The following BTD variants were observed in gnomAD, a reference collection of about 807,000 sequenced individuals.
BTD encodes biotinidase.
A neutral mutation model predicts 17.7 loss-of-function variants in BTD; 13 were observed. The observed-to-expected ratio is 0.74, with a 90% confidence interval of 0.48 to 1.17. The LOEUF is 1.17. BTD is among the 50% of genes most tolerant of loss of function. The probability of loss-of-function intolerance (pLI) is 0.00; values close to 1 mark genes in which losing one functional copy is unlikely to be tolerated. For synonymous variants in BTD, 240 were observed against 245.2 expected (o/e 0.98, Z 0.20); for missense variants, 674 against 650.4 (o/e 1.04, Z -0.39).
At position 15,710,527 on chromosome 3, in the gene BTD, G is replaced by A. The variant is rs560238632; in HGVS notation, c.*453G>A. ...TGTGCTGGTGTACTCTTGGTTCAAC[G>A]TACTCGTCCTCTGAAATCACTGAAA... is the stretch of plus-strand genomic sequence containing the variant. On this transcript the variant is annotated 3_prime_UTR_variant, in exon 4 of 4. Transcript: ENST00000672141. Among the ~76,000 whole-genome samples the A allele has an allele frequency of 6.6e-5, 10 of 152,238 alleles. No individual in the cohort carries two copies. In the South Asian group the frequency reaches 1.7e-3, roughly 25 times the overall value.
chr3:15,629,194 T>C (rs1252572561), intron 1 of BTD, among the ~76,000 whole-genome samples: 1 of 152,256 alleles, frequency 6.6e-6, no homozygotes, highest in Admixed American at 6.5e-5. Flanking sequence ...TTCTTTGACA[T>C]AAGGGAACAA....
chr3:15,641,704 G>A (rs2065513288), intron 2 of BTD, among the ~76,000 whole-genome samples: 1 of 152,126 alleles, frequency 6.6e-6, no homozygotes, highest in African/African-American at 2.4e-5. Context: ...CTTTGTCTTT[G>A]TTCCTTGGGG....
intron 1 of BTD, among the ~76,000 whole-genome samples, chr3:15,614,431 G>A (rs571981338): frequency 1.1e-4 from 17 of 151,420 alleles, no homozygotes; most frequent in Admixed American, 1.1e-3. Flanking sequence ...TTCTCCTTCT[G>A]AAATTCCAAT....
intron 3 of BTD, among the ~76,000 whole-genome samples, chr3:15,706,205 A>G (rs183330427): frequency 1.3e-4 from 20 of 152,030 alleles, no homozygotes; most frequent in Middle Eastern, 6.8e-3. Context: ...CTCGTCACTT[A>G]CATTAGGTAT....
At chr3:15,623,272 A>G (rs1268588941) in intron 1 of BTD, among the ~76,000 whole-genome samples, 1 of 152,202 alleles carries the variant, frequency 6.6e-6, no homozygotes, top group African/African-American at 2.4e-5. Flanking sequence ...CCATCCATTT[A>G]CTACACAATC....
chr3:15,710,442 C>A (rs183524133), exon 4 of BTD, among the ~76,000 whole-genome samples: 1 of 152,228 alleles, frequency 6.6e-6, no homozygotes, highest in East Asian at 1.9e-4. Flanking sequence ...GGTTCTCTGG[C>A]GACCTTGGAA....
At chr3:15,656,108 T>C (rs570398500), downstream of BTD, among the ~76,000 whole-genome samples, 3 of 152,248 alleles carry the variant, frequency 2.0e-5, no homozygotes, top group African/African-American at 7.2e-5. Flanking sequence ...CAGCCTACTT[T>C]GTTATTATTA....
chr3:15,694,791 T>C, intron 3 of BTD: 7 of 1,613,578 alleles, frequency 4.3e-6, no homozygotes, highest in Non-Finnish European at 5.1e-6. Flanking sequence ...ACTCAGCATG[T>C]CTGTTCCTGA....
chr3:15,608,777 A>G (rs2064532396), intron 1 of BTD, among the ~76,000 whole-genome samples: 1 of 152,130 alleles, frequency 6.6e-6, no homozygotes, highest in Admixed American at 6.5e-5. Flanking sequence ...AAAAAAAAAA[A>G]AAAAGAAATC....
At chr3:15,662,222 C>T (rs2065932050) in intron 3 of BTD, among the ~76,000 whole-genome samples, 1 of 152,212 alleles carries the variant, frequency 6.6e-6, no homozygotes. Flanking sequence ...GAACTGACAT[C>T]TTAAAAATAG....
In BTD at chr3:15,644,816, T is replaced by C. The variant is rs1210324522; in HGVS notation, c.900T>C (p.Phe300=). The change falls in exon 4 of 4, where the codon TTT becomes TTC. Residue 300 remains phenylalanine (F), a synonymous_variant. Coordinates refer to ENST00000643237, the MANE Select transcript of BTD (RefSeq NM_001370658.1). ...GCATACACACCCCTCTGGAGTCCTT[T>C]TGGTACCATGACATGGAAAATCCCA... is the stretch of plus-strand genomic sequence containing the variant. The part of the protein sequence containing the change: ...GSGIHTPLES[F]WYHDMENPKS... 7 of 1,614,056 alleles carry C rather than the reference T, an allele frequency of 4.3e-6. No homozygotes were observed. The highest frequency in any genetic ancestry group is 5.9e-6 in the Non-Finnish European group (7 of 1,180,040).
At chr3:15,625,847 G>A (rs1295295110) in intron 1 of BTD, among the ~76,000 whole-genome samples, 2 of 152,284 alleles carry the variant, frequency 1.3e-5, no homozygotes, top group South Asian at 2.1e-4. Context: ...GAGCCACCAC[G>A]CCTGGCCCAG....
At chr3:15,673,048 A>T (rs2066543796) in intron 3 of BTD, among the ~76,000 whole-genome samples, 2 of 152,162 alleles carry the variant, frequency 1.3e-5, no homozygotes, top group South Asian at 4.1e-4. Context: ...AAGTGCTAGG[A>T]CCATAGGCAT....
intron 3 of BTD, among the ~76,000 whole-genome samples, chr3:15,689,427 A>T (rs1019354860): frequency 8.1e-4 from 123 of 152,378 alleles, no homozygotes; most frequent in African/African-American, 2.7e-3. Context: ...ATCCACTGCC[A>T]CTGCCCCCTG....
chr3:15,631,011 T>G (rs767742468), intron 1 of BTD, among the ~76,000 whole-genome samples: 7 of 152,260 alleles, frequency 4.6e-5, no homozygotes, highest in African/African-American at 7.2e-5. Context: ...TTTTTGTGAT[T>G]TCTTTAAATT....
downstream of BTD, among the ~76,000 whole-genome samples, chr3:15,716,000 T>G (rs1419235485): frequency 6.6e-6 from 1 of 151,954 alleles, no homozygotes; most frequent in Non-Finnish European, 1.5e-5. Context: ...CTCTCTTTTT[T>G]TTTTTTGAGA....
chr3:15,633,987 G>A (rs2065279913), intron 1 of BTD, among the ~76,000 whole-genome samples: 1 of 152,186 alleles, frequency 6.6e-6, no homozygotes, highest in Non-Finnish European at 1.5e-5. Context: ...CCAGATGAAT[G>A]GCAACAAATC....
chr3:15,621,995 G>A (rs1194739507), intron 1 of BTD, among the ~76,000 whole-genome samples: 2 of 152,128 alleles, frequency 1.3e-5, no homozygotes, highest in Admixed American at 6.5e-5. Context: ...CATGGGATCT[G>A]TAGTTATGTG....
rs201434644 is a variant in BTD, at chr3:15,670,050, A to G, written c.399+27993A>G. ...AATTCCACAAAGAATTCTGACATCA[A>G]TGTGTTTTCCTCAGTCAGGTCTATT... On this transcript the variant is annotated intron_variant, in intron 3 of 3. Coordinates refer to the BTD transcript ENST00000672141. 9.4e-5 allele frequency: 49 copies of G among 518,824 alleles called. No homozygotes were observed. The East Asian group carries it at 1.5e-3, about 16-fold the overall frequency. The allele number at this position is 518,824 out of a possible 1,614,324, so 32.1% of individuals were successfully genotyped here.
Sources: allele counts gnomAD v4.1 joint callset (sites outside exome capture counted in the v4.1 genomes callset), GRCh38; gene constraint gnomAD v4.1.1; transcripts MANE v1.5; gene names NCBI Gene and HGNC (gene_info 2026-07-23, HGNC 2026-07-21).